RAMP1: variants seen among roughly 807,000 people sequenced by gnomAD.
The protein encoded by RAMP1 is receptor activity-modifying protein 1.
Under a neutral mutation model 8.2 loss-of-function variants are expected in RAMP1, and 7 were observed. The ratio of observed to expected loss-of-function variants is 0.85; its 90% CI spans 0.49 to 1.60. The LOEUF is 1.60. RAMP1 is among the 40% of genes most tolerant of loss of function. The pLI is 0.00. For synonymous variants in RAMP1, 92 were observed against 84.7 expected, an observed-to-expected ratio of 1.09 and a Z score of -0.47; for missense variants, 192 against 202.4, an observed-to-expected ratio of 0.95 and a Z score of 0.31.
chr2:237,874,873 GGGGGAC>G, intron 1 of RAMP1, among the ~76,000 whole-genome samples: 1 of 150,794 alleles, frequency 6.6e-6, no homozygotes, highest in Admixed American at 6.6e-5. Flanking sequence ...GAAATGGGCT[GGGGGAC>G]AGGGTAAGGG....
intron 2 of RAMP1, among the ~76,000 whole-genome samples, chr2:237,880,404 C>T (rs547163198): frequency 6.6e-6 from 1 of 152,290 alleles, no homozygotes; most frequent in East Asian, 1.9e-4. Flanking sequence ...TTATCTTAGA[C>T]ATTTTGTGCC....
At chr2:237,899,291 G>A (rs1250923295) in intron 2 of RAMP1, among the ~76,000 whole-genome samples, 9 of 152,190 alleles carry the variant, frequency 5.9e-5, no homozygotes, top group East Asian at 1.9e-4. Flanking sequence ...GGCTGGTCGC[G>A]AACTCCTGAC....
chr2:237,858,996 A>G (rs943308449), upstream of RAMP1: 1 of 152,020 alleles, frequency 6.6e-6, no homozygotes, highest in African/African-American at 2.4e-5. The surrounding 1 kb of genome is among the most constrained non-coding windows in gnomAD (Gnocchi z 4.4). Flanking sequence ...CAACAGCAAG[A>G]CTCCCAGGCC....
At chr2:237,885,105 C>G (rs1045047512) in intron 2 of RAMP1, among the ~76,000 whole-genome samples, 2 of 152,204 alleles carry the variant, frequency 1.3e-5, no homozygotes, top group Non-Finnish European at 2.9e-5. Flanking sequence ...CTCCTGCTGC[C>G]TTCTTTGTGT....
chr2:237,886,938 G>A (rs935396782), intron 2 of RAMP1, among the ~76,000 whole-genome samples: 9 of 152,220 alleles, frequency 5.9e-5, no homozygotes, highest in African/African-American at 1.4e-4. Flanking sequence ...CTCCCCTGTG[G>A]ACACTCGACT....
chr2:237,902,893 C>G (rs150803684), intron 2 of RAMP1, among the ~76,000 whole-genome samples: 1 of 152,318 alleles, frequency 6.6e-6, no homozygotes, highest in East Asian at 1.9e-4. Context: ...AAAAGTCCTT[C>G]GTGTTATTAC....
chr2:237,901,009 G>T (rs533288952), intron 2 of RAMP1, among the ~76,000 whole-genome samples: 1 of 152,252 alleles, frequency 6.6e-6, no homozygotes, highest in Non-Finnish European at 1.5e-5. Context: ...AGCCTTGGGA[G>T]GTGTGTTTAA....
chr2:237,911,761 A>G lies in RAMP1; in HGVS notation c.425A>G (p.Lys142Arg), dbSNP rs756344621. ...LVTALVVWQS[K>R]RTEGIV ...ACGGCACTGGTGGTCTGGCAGAGCA[A>G]GCGCACTGAGGGCATTGTGTAGGCG... Residue 142 changes from lysine to arginine, a missense_variant, in exon 3 of 3, where the codon AAG (lysine) becomes AGG (arginine). Lys to Arg is a conservative substitution (Grantham distance 26). Coordinates refer to ENST00000254661, the MANE Select transcript of RAMP1 (RefSeq NM_005855.4). The G allele has an allele frequency of 1.2e-6, 2 of 1,610,720 alleles. No homozygotes were observed. Among genetic ancestry groups the G allele is most frequent in the East Asian group, 2.2e-5 (1 of 44,758 alleles).
intron 2 of RAMP1, among the ~76,000 whole-genome samples, chr2:237,880,601 C>G (rs945287064): frequency 6.6e-6 from 1 of 152,138 alleles, no homozygotes; most frequent in Non-Finnish European, 1.5e-5. Context: ...GCCATGGTAT[C>G]GAGAAAGGCT....
rs1210881 is a variant in RAMP1, at chr2:237,877,490, G to T, written c.191+128G>T. 0.5 allele frequency: 640,520 copies of T among 1,287,060 alleles called. 162,261 individuals carry two copies. The highest frequency in any genetic ancestry group is 0.53 in the Non-Finnish European group (508,090 of 959,120). 79.7% of individuals were successfully genotyped at this position (1,287,060 alleles called of 1,614,324 possible). A position where few individuals can be genotyped will look rare whatever the true frequency, so the allele number is the denominator to read the frequency against. ...ACCCCGGAAGGGTTCTTCCCCCAGT[G>T]GGGGGGGCCGGGATGAAGACAGAGG... is the stretch of plus-strand genomic sequence containing the variant. On this transcript the variant is annotated intron_variant, in intron 2 of 2. Transcript: ENST00000254661. The surrounding 1 kb of genome is among the most constrained non-coding windows in gnomAD (Gnocchi z 4.4).
chr2:237,888,110 G>T (rs2062453024), intron 2 of RAMP1, among the ~76,000 whole-genome samples: 1 of 152,134 alleles, frequency 6.6e-6, no homozygotes, highest in Non-Finnish European at 1.5e-5. Flanking sequence ...CTGGAGTGCA[G>T]TGGCACAATC....
chr2:237,875,133 G>A (rs1180514621), intron 1 of RAMP1, among the ~76,000 whole-genome samples: 2 of 152,132 alleles, frequency 1.3e-5, no homozygotes, highest in East Asian at 3.9e-4. Context: ...AGCTCCTGGG[G>A]CATCACTGTC....
chr2:237,892,706 T>C (rs568471667), intron 2 of RAMP1, among the ~76,000 whole-genome samples: 1 of 152,048 alleles, frequency 6.6e-6, no homozygotes, highest in Non-Finnish European at 1.5e-5. Flanking sequence ...CTGTGTGAGA[T>C]GACAGGAATC....
At chr2:237,891,367 G>C (rs1461038405) in intron 2 of RAMP1, among the ~76,000 whole-genome samples, 1 of 152,054 alleles carries the variant, frequency 6.6e-6, no homozygotes, top group Non-Finnish European at 1.5e-5. Flanking sequence ...AGCCAGGATG[G>C]TCTCGATCTC....
At chr2:237,860,888 AGATCTGCATAGAATCCTCAGAGGCC>A (rs71988559) in intron 1 of RAMP1, among the ~76,000 whole-genome samples, 3,019 of 152,296 alleles carry the variant, frequency 0.02, 113 homozygotes, top group African/African-American at 0.069. Context: ...AAGGGGTGGC[AGATCTGCATAGAATCCTCAGAGGCC>A]GATATAATAT....
chr2:237,875,096 G>A (rs1421678452), intron 1 of RAMP1, among the ~76,000 whole-genome samples: 1 of 152,170 alleles, frequency 6.6e-6, no homozygotes, highest in East Asian at 1.9e-4. Flanking sequence ...TGACAAGTCA[G>A]TGTCTGAGCC....
chr2:237,865,607 A>C lies in RAMP1; in HGVS notation c.52+5880A>C, dbSNP rs1339768164. On this transcript the variant is annotated intron_variant, in intron 1 of 2. Transcript: ENST00000254661. This position sits in a 1 kb window ranked among gnomAD's most constrained non-coding sequence, Gnocchi z 4.2. ...GGTTCAGCGTTCCCCTTGGATTCTGAGGGGTGATGGTACGTAGACAGGAGT... is the reference window on the plus strand; with the variant it reads ...GGTTCAGCGTTCCCCTTGGATTCTGCGGGGTGATGGTACGTAGACAGGAGT... Among the ~76,000 whole-genome samples the C allele has an allele frequency of 6.6e-6, 1 of 152,076 alleles. No individual in the cohort carries two copies. The highest frequency in any genetic ancestry group is 1.5e-5 in the Non-Finnish European group (1 of 68,012).
intron 1 of RAMP1, among the ~76,000 whole-genome samples, chr2:237,863,283 G>A (rs1393889076): frequency 6.6e-6 from 1 of 152,174 alleles, no homozygotes; most frequent in Non-Finnish European, 1.5e-5. Context: ...CCAGTTTCTT[G>A]GTGGCAAATG....
chr2:237,899,072 A>ATTTTTTT (rs11431782), intron 2 of RAMP1, among the ~76,000 whole-genome samples: 2 of 148,766 alleles, frequency 1.3e-5, no homozygotes. Flanking sequence ...TGAGACAGTG[A>ATTTTTTT]TTTTTTTTTT....
Sources: gnomAD v4.1 joint callset for allele counts (sites outside exome capture counted in the v4.1 genomes callset) on GRCh38, gnomAD v4.1.1 for gene constraint, Gnocchi (gnomAD v3.1) non-coding constraint, MANE v1.5 for transcripts, NCBI Gene and HGNC (gene_info 2026-07-23, HGNC 2026-07-21) for gene names.